ARB2A: variants seen among roughly 807,000 people sequenced by gnomAD.
ARB2A encodes cotranscriptional regulator ARB2A.
chr5:94,024,324 G>A, the ARB2A span, among the ~76,000 whole-genome samples: 1 of 152,168 alleles, frequency 6.6e-6, no homozygotes, highest in Non-Finnish European at 1.5e-5. Flanking sequence ...CCAGCAGACT[G>A]CCTTTGGACT....
At chr5:93,640,626 ATG>A in the ARB2A span, among the ~76,000 whole-genome samples, 13 of 146,250 alleles carry the variant, frequency 8.9e-5, no homozygotes, top group African/African-American at 3.0e-4. Flanking sequence ...TTATATACAT[ATG>A]TGTGTGTATA....
chr5:93,732,239 C>T, the ARB2A span, among the ~76,000 whole-genome samples: 3 of 152,268 alleles, frequency 2.0e-5, no homozygotes, highest in Non-Finnish European at 4.4e-5. Flanking sequence ...TTTCATCTGG[C>T]TGGGGATGTA....
the ARB2A span, among the ~76,000 whole-genome samples, chr5:93,713,126 T>A: frequency 0.07 from 10,642 of 152,132 alleles, 485 homozygotes; most frequent in African/African-American, 0.12. Flanking sequence ...TTGGGGAAAG[T>A]CTCCGGGACA....
the ARB2A span, among the ~76,000 whole-genome samples, chr5:93,986,694 G>A: frequency 6.6e-6 from 1 of 152,212 alleles, no homozygotes; most frequent in African/African-American, 2.4e-5. Context: ...GCCTTGGGAT[G>A]CTGTTAATCT....
chr5:93,975,774 G>A, the ARB2A span, among the ~76,000 whole-genome samples: 9 of 151,964 alleles, frequency 5.9e-5, no homozygotes, highest in African/African-American at 2.2e-4. Context: ...AACTGAATCA[G>A]TAATTTAAAA....
the ARB2A span, among the ~76,000 whole-genome samples, chr5:94,087,937 CACA>C: frequency 2.6e-5 from 4 of 152,102 alleles, no homozygotes; most frequent in Admixed American, 2.6e-4. Flanking sequence ...ATGCTGTTCG[CACA>C]ACAATGAAAT....
At chr5:93,909,350 G>A in the ARB2A span, among the ~76,000 whole-genome samples, 2 of 150,808 alleles carry the variant, frequency 1.3e-5, no homozygotes, top group Non-Finnish European at 3.0e-5. Flanking sequence ...AAATTGAATT[G>A]AGATGTATGA....
At chr5:93,866,183 GTCTGTACAAGAATTTCTGAGGGAATTT>G in the ARB2A span, 1 of 985,356 alleles carries the variant, frequency 1.0e-6, no homozygotes, top group Non-Finnish European at 1.2e-6. Flanking sequence ...TTTATCAGCA[GTCTGTACAAGAATTTCTGAGGGAATTT>G]TTTCACTCTC....
chr5:93,954,543 C>T, the ARB2A span, among the ~76,000 whole-genome samples: 51 of 151,960 alleles, frequency 3.4e-4, no homozygotes, highest in Admixed American at 3.0e-3. Flanking sequence ...TCAAGCACCT[C>T]AAGCAGAGGG....
chr5:94,049,947 CT>C, the ARB2A span, among the ~76,000 whole-genome samples: 10 of 148,290 alleles, frequency 6.7e-5, 1 homozygote, highest in Admixed American at 1.4e-4. Flanking sequence ...GAAGTTTTTT[CT>C]TTTTTTTTTG....
the ARB2A span, among the ~76,000 whole-genome samples, chr5:94,103,795 C>CAAAAAAAAAAA: frequency 8.8e-6 from 1 of 113,346 alleles, no homozygotes; most frequent in African/African-American, 3.2e-5. Context: ...TCAACAGATT[C>CAAAAAAAAAAA]AAAAAAAAAA....
At chr5:93,955,500 T>C in the ARB2A span, among the ~76,000 whole-genome samples, 1 of 152,240 alleles carries the variant, frequency 6.6e-6, no homozygotes, top group Non-Finnish European at 1.5e-5. Flanking sequence ...TTCTTCTGAA[T>C]AATCCATCTA....
chr5:94,086,530 T>C, the ARB2A span, among the ~76,000 whole-genome samples: 16 of 151,820 alleles, frequency 1.1e-4, no homozygotes, highest in East Asian at 2.9e-3. Context: ...ATAAAGATAA[T>C]AAACGACTAG....
the ARB2A span, among the ~76,000 whole-genome samples, chr5:93,698,336 G>T: frequency 2.0e-5 from 3 of 152,114 alleles, no homozygotes; most frequent in African/African-American, 7.2e-5. Context: ...GTATAAGTGA[G>T]CCAAACTGAC....
At chr5:94,035,098 C>T in the ARB2A span, among the ~76,000 whole-genome samples, 1 of 152,106 alleles carries the variant, frequency 6.6e-6, no homozygotes, top group Non-Finnish European at 1.5e-5. Flanking sequence ...GTCTAGGGCT[C>T]GTCTTTTATT....
chr5:93,663,451 G>A, the ARB2A span, among the ~76,000 whole-genome samples: 13 of 152,184 alleles, frequency 8.5e-5, no homozygotes, highest in Admixed American at 3.9e-4. Flanking sequence ...AGCCTAGGAG[G>A]AGAGGAGTAG....
At chr5:93,744,434 CAAAAAAAAAAAAAAAA>C in the ARB2A span, among the ~76,000 whole-genome samples, 2 of 14,534 alleles carry the variant, frequency 1.4e-4, no homozygotes, top group African/African-American at 4.8e-4. Context: ...GACTCAGTCT[CAAAAAAAAAAAAAAAA>C]AAAAAAAAAA....
chr5:93,787,362 C>T, the ARB2A span, among the ~76,000 whole-genome samples: 1 of 152,102 alleles, frequency 6.6e-6, no homozygotes. Context: ...CATCAACATC[C>T]TAAAGTTCCA....
chr5:94,097,569 CTCTT>C, the ARB2A span, among the ~76,000 whole-genome samples: 1 of 152,188 alleles, frequency 6.6e-6, no homozygotes, highest in Non-Finnish European at 1.5e-5. Flanking sequence ...CGCAATCTCT[CTCTT>C]TGCCTGCTGC....
Sources: gnomAD v4.1 joint callset for allele counts (sites outside exome capture counted in the v4.1 genomes callset) on GRCh38, gnomAD v4.1.1 for gene constraint, MANE v1.5 for transcripts, NCBI Gene and HGNC (gene_info 2026-07-23, HGNC 2026-07-21) for gene names.